The following SH3BGRL2 variants were observed in gnomAD, a reference collection of about 807,000 sequenced individuals.
The protein encoded by SH3BGRL2 is SH3 domain binding glutamate rich protein like 2, also known as SH3 domain-binding glutamic acid-rich-like protein 2.
In SH3BGRL2, 21 loss-of-function variants were observed where a neutral mutation model predicts 14.8. That is an observed-to-expected ratio of 1.42 (90% CI 1.01 to 2.05). SH3BGRL2 has a LOEUF of 2.05. Ranked by LOEUF, SH3BGRL2 falls within the 30% of genes most tolerant of loss-of-function variation. The pLI, the probability that SH3BGRL2 is intolerant of heterozygous loss-of-function variation, is 0.00. For synonymous variants in SH3BGRL2, 50 were observed against 47.8 expected (o/e 1.05, Z -0.19); for missense variants, 147 against 130.8 (o/e 1.12, Z -0.61).
At chr6:79,690,993 A>C (rs772565769) in intron 2 of SH3BGRL2, among the ~76,000 whole-genome samples, 8 of 152,172 alleles carry the variant, frequency 5.3e-5, no homozygotes, top group Non-Finnish European at 8.8e-5. Flanking sequence ...TTTTTTCTAC[A>C]GAAAATGAAA....
chr6:79,676,814 T>C (rs1769894693), intron 2 of SH3BGRL2, among the ~76,000 whole-genome samples: 1 of 152,132 alleles, frequency 6.6e-6, no homozygotes, highest in South Asian at 2.1e-4. Flanking sequence ...TTAACTTTAC[T>C]CCTTATTTTT....
chr6:79,588,653 GTATC>G, the SH3BGRL2 span, among the ~76,000 whole-genome samples: 1 of 152,144 alleles, frequency 6.6e-6, no homozygotes, highest in Non-Finnish European at 1.5e-5. Context: ...GTGTATAAAA[GTATC>G]AATCATATGT....
chr6:79,665,517 A>C (rs1041063478), intron 1 of SH3BGRL2, among the ~76,000 whole-genome samples: 1 of 152,226 alleles, frequency 6.6e-6, no homozygotes, highest in Non-Finnish European at 1.5e-5. Context: ...AAAAATTTCA[A>C]ATGGGAAAGA....
chr6:79,581,047 G>C, the SH3BGRL2 span, among the ~76,000 whole-genome samples: 2 of 152,202 alleles, frequency 1.3e-5, no homozygotes, highest in East Asian at 3.9e-4. Context: ...ACAAGAAATG[G>C]ATAAATTCCT....
chr6:79,571,747 A>G, the SH3BGRL2 span, among the ~76,000 whole-genome samples: 1 of 152,168 alleles, frequency 6.6e-6, no homozygotes, highest in Non-Finnish European at 1.5e-5. Flanking sequence ...AAATTGTACT[A>G]TATACATATA....
At chr6:79,550,758 G>A in the SH3BGRL2 span, among the ~76,000 whole-genome samples, 37 of 152,232 alleles carry the variant, frequency 2.4e-4, no homozygotes, top group South Asian at 7.1e-3. Context: ...TTGCACAGCA[G>A]CCTTGGTGGC....
In SH3BGRL2 at chr6:79,689,656, A is replaced by G. The variant is rs150563618; in HGVS notation, c.232-6829A>G. On this transcript the variant is annotated intron_variant, in intron 2 of 3. Coordinates refer to ENST00000369838, the MANE Select transcript of SH3BGRL2 (RefSeq NM_031469.4). ...GAGGCTGCAGCCTCAAAATCTGTCT[A>G]TTTTATAGGTGTTGGTTTATATATA... Among the ~76,000 whole-genome samples the G allele has an allele frequency of 4.3e-3, 658 of 151,928 alleles. 4 individuals are homozygous for G. The highest frequency in any genetic ancestry group is 6.8e-3 in the Middle Eastern group (2 of 294).
At chr6:79,625,782 A>T in the SH3BGRL2 span, among the ~76,000 whole-genome samples, 1 of 152,222 alleles carries the variant, frequency 6.6e-6, no homozygotes, top group Admixed American at 6.5e-5. Flanking sequence ...TGCAACAGCC[A>T]GGAAGATAAG....
At chr6:79,540,435 A>C in the SH3BGRL2 span, among the ~76,000 whole-genome samples, 1 of 149,626 alleles carries the variant, frequency 6.7e-6, no homozygotes, top group African/African-American at 2.4e-5. Context: ...ATTCCGTCTC[A>C]AAAATAAATA....
chr6:79,641,301 C>T (rs1562145106), intron 1 of SH3BGRL2, among the ~76,000 whole-genome samples: 1 of 151,994 alleles, frequency 6.6e-6, no homozygotes, highest in Non-Finnish European at 1.5e-5. Flanking sequence ...CCTTTATAAG[C>T]CTGGGCCCTT....
At chr6:79,682,088 G>C (rs1011118218) in intron 2 of SH3BGRL2, among the ~76,000 whole-genome samples, 1 of 152,006 alleles carries the variant, frequency 6.6e-6, no homozygotes, top group African/African-American at 2.4e-5. Context: ...CTGACAAAAA[G>C]TTACTGGAAA....
intron 1 of SH3BGRL2, 134 bp from the exon 2 acceptor site, chr6:79,673,480 A>G: frequency 1.3e-6 from 1 of 765,948 alleles, no homozygotes; most frequent in Non-Finnish European, 2.1e-6. Context: ...ATATCTAGTG[A>G]GTGGACAGTG....
the SH3BGRL2 span, among the ~76,000 whole-genome samples, chr6:79,603,427 A>G: frequency 4.6e-5 from 7 of 152,232 alleles, no homozygotes; most frequent in South Asian, 6.2e-4. Flanking sequence ...TTGATTTACA[A>G]TTAAACCAAA....
In SH3BGRL2 at chr6:79,700,488, A is replaced by G. The variant is rs1770432419; in HGVS notation, c.*979A>G. On this transcript the variant is annotated 3_prime_UTR_variant, in exon 4 of 4. Transcript: ENST00000369838. ...AACCCTTGATTAGACATATTAAAAT[A>G]TACCAATGTTGTAGTAAAATTTAAT... 6.6e-6 allele frequency: 1 copy of G among 152,236 alleles called. No homozygotes were observed. Among genetic ancestry groups the G allele is most frequent in the Non-Finnish European group, 1.5e-5 (1 of 68,038 alleles). 9.4% of individuals were successfully genotyped at this position (152,236 alleles called of 1,614,324 possible).
the SH3BGRL2 span, among the ~76,000 whole-genome samples, chr6:79,592,850 C>G: frequency 6.6e-6 from 1 of 152,108 alleles, no homozygotes; most frequent in Non-Finnish European, 1.5e-5. Flanking sequence ...CCAAGAGTTA[C>G]GTGAATTTTC....
chr6:79,689,138 CT>C (rs1770159114), intron 2 of SH3BGRL2, among the ~76,000 whole-genome samples: 1 of 152,062 alleles, frequency 6.6e-6, no homozygotes, highest in Admixed American at 6.6e-5. Flanking sequence ...CTAACACTGA[CT>C]TTTAAAAATG....
rs1582744752 is a variant in SH3BGRL2, at chr6:79,700,768, T to C, written c.*1259T>C. 6.6e-6 allele frequency: 1 copy of C among 152,328 alleles called. No individual in the cohort carries two copies. The highest frequency in any genetic ancestry group is 1.9e-4 in the East Asian group (1 of 5,180). The allele number at this position is 152,328 out of a possible 1,614,324, so 9.4% of individuals were successfully genotyped here. A position where few individuals can be genotyped will look rare whatever the true frequency, so the allele number is the denominator to read the frequency against. On this transcript the variant is annotated 3_prime_UTR_variant, in exon 4 of 4. Coordinates refer to ENST00000369838, the MANE Select transcript of SH3BGRL2 (RefSeq NM_031469.4). ...CTACTTCATTAGAGCAGAGGCTATTTTTCTGCATTCTTGTCCCTATAACAG... is the reference window on the plus strand; with the variant it reads ...CTACTTCATTAGAGCAGAGGCTATTCTTCTGCATTCTTGTCCCTATAACAG...
intron 1 of SH3BGRL2, among the ~76,000 whole-genome samples, chr6:79,659,475 C>G (rs1298063158): frequency 6.6e-6 from 1 of 152,152 alleles, no homozygotes; most frequent in Non-Finnish European, 1.5e-5. Flanking sequence ...TCTGAGGCCT[C>G]TGTTCTGTTC....
the SH3BGRL2 span, among the ~76,000 whole-genome samples, chr6:79,587,116 T>C: frequency 6.6e-6 from 1 of 152,228 alleles, no homozygotes; most frequent in African/African-American, 2.4e-5. Context: ...AACATTTTCC[T>C]ACATATTCAA....
Sources: gnomAD v4.1 joint callset for allele counts (sites outside exome capture counted in the v4.1 genomes callset) on GRCh38, gnomAD v4.1.1 for gene constraint, MANE v1.5 for transcripts, NCBI Gene and HGNC (gene_info 2026-07-23, HGNC 2026-07-21) for gene names.